ASPRV1: variants seen among roughly 807,000 people sequenced by gnomAD.
ASPRV1 encodes the protein retroviral-like aspartic protease 1.
ASPRV1 carries 7 observed loss-of-function variants against 11.0 expected under a neutral mutation model. That is an observed-to-expected ratio of 0.64 (90% confidence interval 0.36 to 1.20). The LOEUF (loss-of-function observed/expected upper bound fraction) is 1.20, where lower values mean the gene tolerates loss of function less well. Among genes scored for constraint, ASPRV1 ranks in the 50% most tolerant of loss-of-function variants. The pLI, the probability that ASPRV1 is intolerant of heterozygous loss-of-function variation, is 0.02. For synonymous variants in ASPRV1, 136 were observed against 138.4 expected (o/e 0.98, Z 0.12); for missense variants, 299 against 320.0 (o/e 0.93, Z 0.50).
rs1678051070 is a variant in ASPRV1, at chr2:69,960,589, T to C, written c.*68A>G. 2 of 1,486,418 alleles carry C rather than the reference T, an allele frequency of 1.3e-6. No individual in the cohort carries two copies. The highest frequency in any genetic ancestry group is 1.8e-6 in the Non-Finnish European group (2 of 1,103,174). The allele number at this position is 1,486,418 out of a possible 1,614,324, so 92.1% of individuals were successfully genotyped here. A position where few individuals can be genotyped will look rare whatever the true frequency, so the allele number is the denominator to read the frequency against. ...CCAAGCCCAGTGACCCCCATGAGGA[T>C]ATGCAACCCCCCCCACAGCGGTGGG... is the stretch of plus-strand genomic sequence containing the variant. On this transcript the variant is annotated 3_prime_UTR_variant, in exon 1 of 1. Transcript: ENST00000320256.
chr2:69,975,540 T>G, the ASPRV1 span: 1 of 152,280 alleles, frequency 6.6e-6, no homozygotes, highest in African/African-American at 2.4e-5. Flanking sequence ...CAAGAGACTT[T>G]GCCACCAAAT....
the ASPRV1 span, chr2:70,003,233 G>C: frequency 6.6e-6 from 1 of 152,200 alleles, no homozygotes; most frequent in Non-Finnish European, 1.5e-5. Flanking sequence ...ACATGTGAGA[G>C]GCTTTATGGA....
the ASPRV1 span, among the ~76,000 whole-genome samples, chr2:69,996,226 A>AC: frequency 1.3e-5 from 2 of 150,388 alleles, no homozygotes; most frequent in Non-Finnish European, 3.0e-5. Context: ...AAAAAAAAAA[A>AC]AAAAAAAAAA....
At chr2:70,045,205 C>T in the ASPRV1 span, 4 of 152,146 alleles carry the variant, frequency 2.6e-5, no homozygotes, top group Non-Finnish European at 4.4e-5. Flanking sequence ...GACAGAAAAG[C>T]TCTGTGAAAA....
the ASPRV1 span, among the ~76,000 whole-genome samples, chr2:69,987,780 T>C: frequency 2.0e-5 from 3 of 152,134 alleles, no homozygotes; most frequent in Non-Finnish European, 4.4e-5. Flanking sequence ...AAAGGATGGT[T>C]GTCTCAGAGC....
At chr2:69,956,787 G>A (rs1677951223), downstream of ASPRV1, among the ~76,000 whole-genome samples, 1 of 152,152 alleles carries the variant, frequency 6.6e-6, no homozygotes, top group Admixed American at 6.5e-5. Context: ...AAACAAGTCG[G>A]CAACATATGC....
At chr2:70,080,599 T>C in the ASPRV1 span, among the ~76,000 whole-genome samples, 1 of 152,204 alleles carries the variant, frequency 6.6e-6, no homozygotes, top group Non-Finnish European at 1.5e-5. Context: ...TAATTTACAT[T>C]TTCTCCTTAG....
upstream of ASPRV1, chr2:69,964,467 C>T (rs1169071391): frequency 2.8e-6 from 1 of 353,020 alleles, no homozygotes; most frequent in African/African-American, 2.1e-5. Flanking sequence ...TTCTCAAGTT[C>T]CCTTATGCCT....
At chr2:70,001,107 T>C in the ASPRV1 span, among the ~76,000 whole-genome samples, 2 of 151,994 alleles carry the variant, frequency 1.3e-5, no homozygotes, top group Non-Finnish European at 2.9e-5. Flanking sequence ...TTTGACAATA[T>C]GTACCAAATC....
At chr2:70,085,376 G>A in the ASPRV1 span, among the ~76,000 whole-genome samples, 6 of 152,146 alleles carry the variant, frequency 3.9e-5, no homozygotes, top group African/African-American at 9.7e-5. Context: ...CCCGTTACAG[G>A]TGTAGCTCTT....
the ASPRV1 span, chr2:70,086,509 ACGGGGCCGCCCCCCTTGAGCCTGG>A: frequency 1.3e-5 from 2 of 151,562 alleles, no homozygotes; most frequent in East Asian, 3.9e-4. Context: ...GCGGGCCCTG[ACGGGGCCGCCCCCCTTGAGCCTGG>A]CGCAGTGGCT....
In ASPRV1 at chr2:69,960,684, T is replaced by G; in HGVS notation, c.753A>C (p.Glu251Asp). The G allele has an allele frequency of 6.2e-7, 1 of 1,613,468 alleles. No individual in the cohort carries two copies. Among genetic ancestry groups the G allele is most frequent in the Non-Finnish European group, 8.5e-7 (1 of 1,179,730 alleles). Residue 251 changes from glutamate to aspartate, a missense_variant, in exon 1 of 1, where the codon GAA becomes GAC. Physicochemically the swap from Glu to Asp is conservative, Grantham distance 45. Coordinates refer to ENST00000320256, the MANE Select transcript of ASPRV1 (RefSeq NM_152792.4). ...LELIEEDPSSEEGRQELSH is the reference protein window; with the variant it reads ...LELIEEDPSSDEGRQELSH Reference sequence around the variant, plus strand: ...AGTGGGATAGCTCCTGCCGCCCTTCTTCTGAGGAGGGGTCCTCCTCTATGA... The same window carrying G: ...AGTGGGATAGCTCCTGCCGCCCTTCGTCTGAGGAGGGGTCCTCCTCTATGA...
the ASPRV1 span, among the ~76,000 whole-genome samples, chr2:69,986,906 T>C: frequency 6.6e-6 from 1 of 152,316 alleles, no homozygotes. Flanking sequence ...TGTCGCACAG[T>C]ACACAACACA....
chr2:70,041,877 T>G, the ASPRV1 span, among the ~76,000 whole-genome samples: 1 of 152,280 alleles, frequency 6.6e-6, no homozygotes, highest in South Asian at 2.1e-4. Context: ...TTCCTCCCTA[T>G]TTTAGAGTTC....
chr2:69,988,801 C>T, the ASPRV1 span: 1 of 456,666 alleles, frequency 2.2e-6, no homozygotes, highest in East Asian at 6.9e-5. Flanking sequence ...ACTCTGCCAC[C>T]TCAAAGCAGG....
At chr2:70,058,009 G>T in the ASPRV1 span, among the ~76,000 whole-genome samples, 1 of 151,906 alleles carries the variant, frequency 6.6e-6, no homozygotes, top group East Asian at 1.9e-4. Flanking sequence ...TGGCCAGGAT[G>T]GTCTTGATCG....
the ASPRV1 span, chr2:69,940,381 T>C: frequency 6.6e-6 from 1 of 152,456 alleles, no homozygotes; most frequent in Non-Finnish European, 1.5e-5. Flanking sequence ...TTTGTTTCAT[T>C]GCTACATCCA....
chr2:69,949,266 T>C, the ASPRV1 span, among the ~76,000 whole-genome samples: 3 of 151,296 alleles, frequency 2.0e-5, no homozygotes, highest in South Asian at 6.3e-4. Context: ...AATGAATGAA[T>C]GAATGAATGA....
chr2:69,934,007 C>T, the ASPRV1 span, among the ~76,000 whole-genome samples: 1 of 152,338 alleles, frequency 6.6e-6, no homozygotes, highest in East Asian at 1.9e-4. Flanking sequence ...GAGATGGACT[C>T]TGTCCTCTAG....
Sources: allele counts gnomAD v4.1 joint callset (sites outside exome capture counted in the v4.1 genomes callset), GRCh38; gene constraint gnomAD v4.1.1; transcripts MANE v1.5; gene names NCBI Gene and HGNC (gene_info 2026-07-23, HGNC 2026-07-21).